The following PCDHGA3 variants were observed in gnomAD, a reference collection of about 807,000 sequenced individuals.
PCDHGA3 encodes the protein protocadherin gamma-A3.
In PCDHGA3, 40 loss-of-function variants were observed where a neutral mutation model predicts 58.5. The observed-to-expected ratio is 0.68, with a 90% confidence interval of 0.53 to 0.89. The LOEUF is 0.89. PCDHGA3 is among the 40% of genes least tolerant of loss of function. The pLI is 0.00. For synonymous variants in PCDHGA3, 530 were observed against 525.7 expected, an observed-to-expected ratio of 1.01 and a Z score of -0.11; for missense variants, 1,223 against 1,195.9, an observed-to-expected ratio of 1.02 and a Z score of -0.33.
At chr5:141,383,532 C>T (rs1249909520) in intron 1 of PCDHGA3, 4 of 1,612,320 alleles carry the variant, frequency 2.5e-6, no homozygotes, top group Non-Finnish European at 3.4e-6. Context: ...ACCACCTGGT[C>T]CTCACAGCCT....
At position 141,357,494 on chromosome 5, in the gene PCDHGA3, A is replaced by G. The variant is rs371787543; in HGVS notation, c.2424+11037A>G. 1.9e-6 allele frequency: 3 copies of G among 1,614,142 alleles called. No homozygotes were observed. The African/African-American group carries it at 4.0e-5, about 22-fold the overall frequency. On this transcript the variant is annotated intron_variant, in intron 1 of 3. Coordinates refer to ENST00000253812, the MANE Select transcript of PCDHGA3 (RefSeq NM_018916.4). Reference sequence around the variant, plus strand: ...GTCTCCCTCACCGCGGACTCGCGGAAGAGTCACCTGATCTTCTCCCAACCC... The same window carrying G: ...GTCTCCCTCACCGCGGACTCGCGGAGGAGTCACCTGATCTTCTCCCAACCC...
chr5:141,388,861 T>C lies in PCDHGA3; in HGVS notation c.2424+42404T>C, dbSNP rs1487226750. 7 of 1,613,872 alleles carry C rather than the reference T, an allele frequency of 4.3e-6. No homozygotes were observed. The East Asian group carries it at 1.1e-4, about 26-fold the overall frequency. On this transcript the variant is annotated intron_variant, in intron 1 of 3. Transcript: ENST00000253812. ...GAAGCAAGGGACGGTGGAGGAATGATTGCGCAATGCACAGTGGAGGTAGAA... is the reference window on the plus strand; with the variant it reads ...GAAGCAAGGGACGGTGGAGGAATGACTGCGCAATGCACAGTGGAGGTAGAA...
intron 1 of PCDHGA3, chr5:141,414,145 C>T (rs1157390595): frequency 6.3e-7 from 1 of 1,597,566 alleles, no homozygotes; most frequent in Non-Finnish European, 8.5e-7. Context: ...AATAGAAATA[C>T]AAGCAGAAGA....
rs112808093 is a variant in PCDHGA3, at chr5:141,489,579, C to T, written c.2425-5228C>T. On this transcript the variant is annotated intron_variant, in intron 1 of 3. Transcript: ENST00000253812. The surrounding 1 kb of genome is among the most constrained non-coding windows in gnomAD (Gnocchi z 4.5). ...CAGTGCAGGTGGTGACTGAACACCC[C>T]CTGGAGCTAATCCGTGTAGAGGTAG... is the stretch of plus-strand genomic sequence containing the variant. 211 of 1,614,038 alleles carry T rather than the reference C, an allele frequency of 1.3e-4. 1 individual carries two copies. In the African/African-American group the frequency reaches 1.7e-3, roughly 13 times the overall value.
intron 1 of PCDHGA3, among the ~76,000 whole-genome samples, chr5:141,363,859 G>A (rs997046368): frequency 3.9e-5 from 6 of 152,132 alleles, no homozygotes; most frequent in Non-Finnish European, 8.8e-5. Flanking sequence ...ACTAAATATA[G>A]ATAAGAGGTA....
rs201022238 is a variant in PCDHGA3 at position 141,415,678 on chromosome 5, G to A, written c.2424+69221G>A. 470 of 1,555,406 alleles carry A rather than the reference G, an allele frequency of 3.0e-4. 2 individuals carry two copies. In the African/African-American group the frequency reaches 5.9e-3, roughly 20 times the overall value. ...GATTGGTTTTTACTTTGAAGTTTGC[G>A]GCATGATGGTGGAAAGTGTAAATGC... On this transcript the variant is annotated intron_variant, in intron 1 of 3. Coordinates refer to ENST00000253812, the MANE Select transcript of PCDHGA3 (RefSeq NM_018916.4).
intron 1 of PCDHGA3, chr5:141,392,828 G>T: frequency 6.2e-7 from 1 of 1,604,008 alleles, no homozygotes; most frequent in Non-Finnish European, 8.5e-7. Context: ...CCGCTCCACA[G>T]AGTCGCCCCA....
chr5:141,380,805 G>A (rs1776753449), intron 1 of PCDHGA3, among the ~76,000 whole-genome samples: 1 of 152,204 alleles, frequency 6.6e-6, no homozygotes, highest in Non-Finnish European at 1.5e-5. Context: ...AAACAAATGT[G>A]AGATGAAACT....
At chr5:141,433,215 T>A (rs755571112) in intron 1 of PCDHGA3, 1 of 1,568,720 alleles carries the variant, frequency 6.4e-7, no homozygotes, top group South Asian at 1.2e-5. Flanking sequence ...TTTCTTTTTT[T>A]TTTTTAATTG....
chr5:141,365,052 T>G (rs1179156267), intron 1 of PCDHGA3: 2 of 1,613,872 alleles, frequency 1.2e-6, no homozygotes, highest in Admixed American at 1.7e-5. Flanking sequence ...AATGCGCCCC[T>G]GTTCACCCCA....
rs55729045 is a variant in PCDHGA3 at position 141,395,542 on chromosome 5, TTGTGTGTGTGTGTG to T, written c.2424+49121_2424+49134del. ...TCCATACTGGTAATTTTGCTATTGT[TTGTGTGTGTGTGTG>T]TGTGTGTGTGTGTGTGTGTGTGTGT... On this transcript the variant is annotated intron_variant, in intron 1 of 3. Transcript: ENST00000253812. The T allele has an allele frequency of 6.1e-4, 106 of 172,624 alleles. 1 individual carries two copies. Among genetic ancestry groups the T allele is most frequent in the South Asian group, 8.7e-4 (10 of 11,526 alleles). The allele number at this position is 172,624 out of a possible 1,614,324, so 10.7% of individuals were successfully genotyped here.
chr5:141,365,527 T>A lies in PCDHGA3; in HGVS notation c.2424+19070T>A, dbSNP rs746233500. 2.5e-6 allele frequency: 4 copies of A among 1,613,866 alleles called. No homozygotes were observed. The Admixed American group carries it at 6.7e-5, about 27-fold the overall frequency. On this transcript the variant is annotated intron_variant, in intron 1 of 3. Coordinates refer to ENST00000253812, the MANE Select transcript of PCDHGA3 (RefSeq NM_018916.4). ...CTTTTAAATTGGAGAAGTCAGTTGA[T>A]AATTACTATCACCTATTAACAACTA...
rs1281337319 is a variant in PCDHGA3, at chr5:141,393,186, G to A, written c.2424+46729G>A. ...CTTTGGGGTAGAAATAGAAATAATT[G>A]ATATTAACGATAATAACCCAAAATT... On this transcript the variant is annotated intron_variant, in intron 1 of 3. Transcript: ENST00000253812. 1.2e-6 allele frequency: 2 copies of A among 1,613,188 alleles called. No homozygotes were observed. The highest frequency in any genetic ancestry group is 3.3e-5 in the Admixed American group (2 of 59,998).
At position 141,371,931 on chromosome 5, in the gene PCDHGA3, G is replaced by A. The variant is rs934034667; in HGVS notation, c.2424+25474G>A. 21 of 1,613,254 alleles carry A rather than the reference G, an allele frequency of 1.3e-5. No homozygotes were observed. The Middle Eastern group carries it at 4.9e-4, about 38-fold the overall frequency. ...CGTGTCCGTGAGCGCGCGGAGCGGG[G>A]TGGTGTTCGCGCAGCGAGCCTTCGA... On this transcript the variant is annotated intron_variant, in intron 1 of 3. Transcript: ENST00000253812.
chr5:141,450,823 A>AT (rs1453980247), intron 1 of PCDHGA3, among the ~76,000 whole-genome samples: 4 of 133,078 alleles, frequency 3.0e-5, no homozygotes, highest in African/African-American at 1.2e-4. Context: ...TAATATTATT[A>AT]TTATTATTTT....
At position 141,486,994 on chromosome 5, in the gene PCDHGA3, C is replaced by G. The variant is rs779792543; in HGVS notation, c.2425-7813C>G. ...ATTCAGGTTACAATGCTTGGGTTTC[C>G]TATCAGCTCCTGGAGGCCCCAGATC... On this transcript the variant is annotated intron_variant, in intron 1 of 3. Coordinates refer to ENST00000253812, the MANE Select transcript of PCDHGA3 (RefSeq NM_018916.4). The surrounding 1 kb of genome is among the most constrained non-coding windows in gnomAD (Gnocchi z 5.0). 3 of 1,614,214 alleles carry G rather than the reference C, an allele frequency of 1.9e-6. No individual in the cohort carries two copies. Among genetic ancestry groups the G allele is most frequent in the Admixed American group, 1.7e-5 (1 of 60,030 alleles).
At position 141,489,068 on chromosome 5, in the gene PCDHGA3, G is replaced by GGCCCC; in HGVS notation, c.2425-5739_2425-5738insGCCCC. On this transcript the variant is annotated intron_variant, in intron 1 of 3. Coordinates refer to ENST00000253812, the MANE Select transcript of PCDHGA3 (RefSeq NM_018916.4). This position sits in a 1 kb window ranked among gnomAD's most constrained non-coding sequence, Gnocchi z 4.5. ...CTCAAATTCAGCTCCCCTCCCCCCT[G>GGCCCC]CCCACCCCCGCCACTCGGTGACTAA... 3.4e-6 allele frequency: 1 copy of GGCCCC among 291,558 alleles called. No individual in the cohort carries two copies. 18.1% of individuals were successfully genotyped at this position (291,558 alleles called of 1,614,324 possible). A position where few individuals can be genotyped will look rare whatever the true frequency, so the allele number is the denominator to read the frequency against.
intron 1 of PCDHGA3, chr5:141,357,842 G>A (rs1294763389): frequency 9.6e-6 from 6 of 624,532 alleles, no homozygotes; most frequent in Non-Finnish European, 2.7e-6. Context: ...TTCAGTTGTA[G>A]TTTCAGCCAG....
At chr5:141,435,271 T>C (rs1242477213) in intron 1 of PCDHGA3, among the ~76,000 whole-genome samples, 1 of 152,216 alleles carries the variant, frequency 6.6e-6, no homozygotes, top group African/African-American at 2.4e-5. Context: ...CCATTTATAC[T>C]TTCTCAGTAT....
Sources: allele counts gnomAD v4.1 joint callset (sites outside exome capture counted in the v4.1 genomes callset), GRCh38; gene constraint gnomAD v4.1.1; non-coding constraint Gnocchi (gnomAD v3.1); transcripts MANE v1.5; gene names NCBI Gene and HGNC (gene_info 2026-07-23, HGNC 2026-07-21).